Variants in IGF1R observed in about 807,000 individuals in gnomAD.
IGF1R encodes the protein insulin-like growth factor 1 receptor.
Under a neutral mutation model 144.6 loss-of-function variants are expected in IGF1R, and 44 were observed. That is an observed-to-expected ratio of 0.30 (90% CI 0.24 to 0.39). IGF1R has a LOEUF of 0.39. Ranked by LOEUF, IGF1R falls within the 10% of genes least tolerant of loss-of-function variation. The pLI, the probability that IGF1R is intolerant of heterozygous loss-of-function variation, is 1.00. For synonymous variants in IGF1R, 795 were observed against 722.8 expected (o/e 1.10, Z -1.60); for missense variants, 1,355 against 1,833.7 (o/e 0.74, Z 4.77).
At position 98,649,076 on chromosome 15, in the gene IGF1R, C is replaced by T. The variant is rs749712224; in HGVS notation, c.-506C>T. The T allele has an allele frequency of 1.4e-5, 3 of 220,282 alleles. No homozygotes were observed. Among genetic ancestry groups the T allele is most frequent in the Non-Finnish European group, 2.7e-5 (3 of 110,002 alleles). 13.6% of individuals were successfully genotyped at this position (220,282 alleles called of 1,614,324 possible). On this transcript the variant is annotated 5_prime_UTR_variant, in exon 1 of 21. Coordinates refer to ENST00000650285, the MANE Select transcript of IGF1R (RefSeq NM_000875.5). ...GAGCCGCTCATTCATTTTGACTCCG[C>T]GTTTCTGCCCCTCGCCGGCCTCGCC...
intron 2 of IGF1R, among the ~76,000 whole-genome samples, chr15:98,731,732 T>C (rs1284766054): frequency 6.6e-6 from 1 of 152,208 alleles, no homozygotes; most frequent in Non-Finnish European, 1.5e-5. Flanking sequence ...AAAGCTGTGT[T>C]AGCTCTTCTC....
rs115687300 is a variant in IGF1R, at chr15:98,830,472, T to C, written c.641-60853T>C. Among the ~76,000 whole-genome samples, 1,012 of 152,306 alleles carry C rather than the reference T, an allele frequency of 6.6e-3. 12 individuals are homozygous for C. The highest frequency in any genetic ancestry group is 0.023 in the African/African-American group (953 of 41,568). On this transcript the variant is annotated intron_variant, in intron 2 of 20. Coordinates refer to ENST00000650285, the MANE Select transcript of IGF1R (RefSeq NM_000875.5). The stretch of plus-strand genomic sequence containing the variant: ...CCTAAGCCGAAAATCTTGAAATCTG[T>C]CATCAGTGACTATTGTAGTCCATAG...
intron 2 of IGF1R, among the ~76,000 whole-genome samples, chr15:98,866,581 G>C (rs1346970467): frequency 1.3e-5 from 2 of 152,194 alleles, no homozygotes; most frequent in African/African-American, 4.8e-5. Flanking sequence ...ACGTGTAGTA[G>C]ATAGCTCTGC....
intron 1 of IGF1R, among the ~76,000 whole-genome samples, chr15:98,679,535 A>G (rs1331918340): frequency 6.6e-6 from 1 of 152,196 alleles, no homozygotes; most frequent in East Asian, 1.9e-4. Flanking sequence ...TTGTAGTGCA[A>G]GGCACTGCTC....
chr15:98,892,878 T>A (rs1521482), intron 3 of IGF1R, among the ~76,000 whole-genome samples: 8 of 152,184 alleles, frequency 5.3e-5, no homozygotes, highest in African/African-American at 1.9e-4. Context: ...TTAGTTTGGC[T>A]TGGTGGCACA....
At chr15:98,905,835 A>G (rs929775612) in intron 5 of IGF1R, among the ~76,000 whole-genome samples, 1 of 152,268 alleles carries the variant, frequency 6.6e-6, no homozygotes, top group Non-Finnish European at 1.5e-5. Context: ...ATGTGCAGAC[A>G]GGTCTCTGCC....
At chr15:98,652,537 A>G (rs1387880368) in intron 1 of IGF1R, among the ~76,000 whole-genome samples, 1 of 152,264 alleles carries the variant, frequency 6.6e-6, no homozygotes, top group Non-Finnish European at 1.5e-5. Context: ...AGGATTTGAA[A>G]TGTAAAAGGT....
chr15:98,886,415 G>C (rs2013643713), intron 2 of IGF1R, among the ~76,000 whole-genome samples: 1 of 152,192 alleles, frequency 6.6e-6, no homozygotes, highest in Non-Finnish European at 1.5e-5. Flanking sequence ...CAACAGTTTA[G>C]ATGGGCCTTT....
At chr15:98,879,023 G>A (rs2013230502) in intron 2 of IGF1R, among the ~76,000 whole-genome samples, 2 of 152,088 alleles carry the variant, frequency 1.3e-5, no homozygotes, top group African/African-American at 4.8e-5. Context: ...GGGGGATGTG[G>A]GTTGTGAGAG....
intron 2 of IGF1R, among the ~76,000 whole-genome samples, chr15:98,802,101 T>G (rs1481042113): frequency 6.6e-6 from 1 of 152,094 alleles, no homozygotes; most frequent in Non-Finnish European, 1.5e-5. Flanking sequence ...TGGGCTGTTG[T>G]AGGCATGGGT....
intron 11 of IGF1R, 161 bp from the exon 12 acceptor site, chr15:98,923,715 A>T: frequency 1.5e-6 from 1 of 662,962 alleles, no homozygotes; most frequent in African/African-American, 1.8e-5. Context: ...GCTGATCTCC[A>T]CTGTCCTGCC....
intron 2 of IGF1R, among the ~76,000 whole-genome samples, chr15:98,864,060 C>T (rs2012299355): frequency 6.6e-6 from 1 of 151,962 alleles, no homozygotes; most frequent in African/African-American, 2.4e-5. Flanking sequence ...GAGTTTGGGA[C>T]CAGCTTGGGC....
At chr15:98,656,381 T>C (rs980858578) in intron 1 of IGF1R, among the ~76,000 whole-genome samples, 2 of 152,124 alleles carry the variant, frequency 1.3e-5, no homozygotes, top group African/African-American at 4.8e-5. Flanking sequence ...GCACCCCCTT[T>C]CTACTAAAAA....
chr15:98,708,482 T>A (rs1430178000), intron 2 of IGF1R, among the ~76,000 whole-genome samples: 1 of 152,230 alleles, frequency 6.6e-6, no homozygotes, highest in Non-Finnish European at 1.5e-5. Context: ...CCTTGGCAGC[T>A]GGGGGCTGCT....
At chr15:98,954,522 A>G (rs1432765329) in intron 20 of IGF1R, 1 of 152,248 alleles carries the variant, frequency 6.6e-6, no homozygotes, top group Non-Finnish European at 1.5e-5. Context: ...CCCACAGAGC[A>G]AAAAAGACTT....
intron 2 of IGF1R, among the ~76,000 whole-genome samples, chr15:98,869,435 T>C (rs549505261): frequency 0.016 from 837 of 51,874 alleles, 4 homozygotes; most frequent in Middle Eastern, 0.083. Context: ...CTTGAGATTC[T>C]TTTTTTTTTT....
intron 1 of IGF1R, among the ~76,000 whole-genome samples, chr15:98,677,181 C>G (rs1410791628): frequency 6.6e-6 from 1 of 152,062 alleles, no homozygotes; most frequent in African/African-American, 2.4e-5. Flanking sequence ...AAGTGATCCT[C>G]CCACCTTCAC....
At chr15:98,800,299 A>G (rs950309979) in intron 2 of IGF1R, among the ~76,000 whole-genome samples, 1 of 152,110 alleles carries the variant, frequency 6.6e-6, no homozygotes, top group Non-Finnish European at 1.5e-5. Flanking sequence ...TAAATTAGAA[A>G]AATATATTAA....
At chr15:98,655,988 C>G (rs1318175352) in intron 1 of IGF1R, among the ~76,000 whole-genome samples, 1 of 152,256 alleles carries the variant, frequency 6.6e-6, no homozygotes, top group Non-Finnish European at 1.5e-5. Context: ...CCACCGCCCC[C>G]AGCCTACAAG....
Sources: allele counts gnomAD v4.1 joint callset (sites outside exome capture counted in the v4.1 genomes callset), GRCh38; gene constraint gnomAD v4.1.1; transcripts MANE v1.5; gene names NCBI Gene and HGNC (gene_info 2026-07-23, HGNC 2026-07-21).